The following PARP12 variants were observed in gnomAD, a reference collection of about 807,000 sequenced individuals.
PARP12 encodes poly(ADP-ribose) polymerase family member 12, also known as protein mono-ADP-ribosyltransferase PARP12.
PARP12 carries 59 observed loss-of-function variants against 72.4 expected under a neutral mutation model. The ratio of observed to expected loss-of-function variants is 0.81; its 90% CI spans 0.66 to 1.01. PARP12 has a LOEUF of 1.01. Ranked by LOEUF, PARP12 falls within the 50% of genes least tolerant of loss-of-function variation. PARP12 has a pLI of 0.00. For synonymous variants in PARP12, 403 were observed against 371.4 expected (o/e 1.09, Z -0.98); for missense variants, 851 against 914.0 (o/e 0.93, Z 0.89).
intron 4 of PARP12, among the ~76,000 whole-genome samples, chr7:140,052,964 G>C (rs1436054685): frequency 6.6e-6 from 1 of 152,124 alleles, no homozygotes; most frequent in Admixed American, 6.5e-5. Context: ...GTGTTAGCAA[G>C]AATATACAAT....
chr7:140,037,838 T>C lies in PARP12; in HGVS notation c.1201A>G (p.Thr401Ala), dbSNP rs1816277232. The C allele has an allele frequency of 1.2e-6, 2 of 1,612,282 alleles. No individual in the cohort carries two copies. The highest frequency in any genetic ancestry group is 8.5e-7 in the Non-Finnish European group (1 of 1,178,436). Residue 401 changes from threonine (T) to alanine (A), a missense_variant, in exon 7 of 12, where the codon ACC becomes GCC. Transcript: ENST00000263549. Reference protein sequence around the residue: ...YGRQGTVHPVTTVSSSDVEKA... With the variant: ...YGRQGTVHPVATVSSSDVEKA... ...TCCACGTCGCTACTGCTGACAGTGG[T>C]CACAGGGTGCACCGTGCCCTGCGAT...
At chr7:140,053,524 G>C (rs1190545410) in intron 4 of PARP12, among the ~76,000 whole-genome samples, 1 of 152,108 alleles carries the variant, frequency 6.6e-6, no homozygotes, top group African/African-American at 2.4e-5. Context: ...GGTTACATGA[G>C]CATATATACT....
intron 3 of PARP12, among the ~76,000 whole-genome samples, chr7:140,056,526 G>T (rs551946076): frequency 1.3e-5 from 2 of 152,100 alleles, no homozygotes; most frequent in African/African-American, 4.8e-5. Flanking sequence ...GCATGCTCTC[G>T]TGGGGGTGAA....
At position 140,062,675 on chromosome 7, in the gene PARP12, G is replaced by A. The variant is rs577914738; in HGVS notation, c.173C>T (p.Ala58Val). 2.0e-5 allele frequency: 25 copies of A among 1,269,008 alleles called. 1 individual carries two copies. Among genetic ancestry groups the A allele is most frequent in the Middle Eastern group, 6.2e-4 (2 of 3,228 alleles). The allele number at this position is 1,269,008 out of a possible 1,614,324, so 78.6% of individuals were successfully genotyped here. The change falls in exon 1 of 12, where the codon GCA becomes GTA. Residue 58 changes from alanine to valine, a missense_variant. By Grantham distance (64) the Ala-to-Val change is moderately conservative. This residue lies in a region of PARP12 where 492 missense variants were observed against 489.3 expected (regional missense o/e 1.01). Transcript: ENST00000263549. ...CACCACGCGCTCCGGGGCCGCGGCT[G>A]CGCCGCCCGCCCGCACCGCCACCAC... Reference protein sequence around the residue: ...RFVVAVRAGGAAAAPERVVLA... With the variant: ...RFVVAVRAGGVAAAPERVVLA...
chr7:140,057,072 G>A lies in PARP12; in HGVS notation c.544C>T (p.Gln182Ter), dbSNP rs141291230. 6.2e-7 allele frequency: 1 copy of A among 1,614,086 alleles called. No individual in the cohort carries two copies. Among genetic ancestry groups the A allele is most frequent in the Non-Finnish European group, 8.5e-7 (1 of 1,180,050 alleles). Residue 182 changes from glutamine (Q) to a stop codon, truncating the protein, a stop_gained, in exon 3 of 12, where the codon CAG (glutamine) becomes TAG (stop). Transcript: ENST00000263549. LOFTEE classifies it high-confidence loss of function. The part of the protein sequence containing the change: ...QKQCIKLHIC[Q>*]YFLQGECKFG... The stretch of plus-strand genomic sequence containing the variant: ...TTGCATTCCCCCTGTAAAAAATACT[G>A]GCAGATATGGAGCTTGATGCACTGC...
intron 4 of PARP12, among the ~76,000 whole-genome samples, chr7:140,053,053 CAA>C (rs947360358): frequency 6.6e-6 from 1 of 151,158 alleles, no homozygotes; most frequent in Admixed American, 6.6e-5. Context: ...CAGTTTCTTA[CAA>C]AGTCAATCAC....
At chr7:140,037,592 T>C in intron 7 of PARP12, 123 bp downstream of exon 7, 1 of 1,389,640 alleles carries the variant, frequency 7.2e-7, no homozygotes, top group Non-Finnish European at 9.9e-7. Flanking sequence ...ACCTGGTACC[T>C]TGCTTTTCTT....
rs376999634 is a variant in PARP12, at chr7:140,057,022, G to A, written c.594C>T (p.Ser198=). 8 of 1,614,072 alleles carry A rather than the reference G, an allele frequency of 5.0e-6. No individual in the cohort carries two copies. The African/African-American group carries it at 1.1e-4, about 22-fold the overall frequency. ...GATTCTCAGAATTAGAGAAATCATGGGATCTCTTACAGCTAGTGCCAAACT... is the reference window on the plus strand; with the variant it reads ...GATTCTCAGAATTAGAGAAATCATGAGATCTCTTACAGCTAGTGCCAAACT... The part of the protein sequence containing the change: ...ECKFGTSCKR[S]HDFSNSENLE... Residue 198 remains serine (S), a synonymous_variant, in exon 3 of 12, where the codon TCC becomes TCT. Coordinates refer to ENST00000263549, the MANE Select transcript of PARP12 (RefSeq NM_022750.4).
At chr7:140,043,493 A>T (rs1489787689) in intron 5 of PARP12, among the ~76,000 whole-genome samples, 1 of 152,038 alleles carries the variant, frequency 6.6e-6, no homozygotes, top group Admixed American at 6.6e-5. Context: ...CACTCCCTCC[A>T]AAACTTTTTT....
chr7:140,027,560 G>T, intron 9 of PARP12, 154 bp from the exon 10 acceptor site: 1 of 825,514 alleles, frequency 1.2e-6, no homozygotes, highest in Non-Finnish European at 1.9e-6. Flanking sequence ...AGGCACAGGA[G>T]ACAATCGGTC....
intron 1 of PARP12, among the ~76,000 whole-genome samples, chr7:140,059,559 C>T (rs987197936): frequency 6.6e-6 from 1 of 152,198 alleles, no homozygotes; most frequent in Non-Finnish European, 1.5e-5. Context: ...AGGCCAACAG[C>T]ATTTGTTTGA....
intron 6 of PARP12, among the ~76,000 whole-genome samples, chr7:140,039,345 C>T (rs1165426431): frequency 6.6e-6 from 1 of 152,198 alleles, no homozygotes; most frequent in African/African-American, 2.4e-5. Context: ...CGTCCTGCCC[C>T]GACCCAGGCC....
intron 7 of PARP12, among the ~76,000 whole-genome samples, chr7:140,035,896 G>GGAGGAA (rs1491588976): frequency 1.5e-3 from 104 of 67,436 alleles, no homozygotes; most frequent in African/African-American, 9.2e-3. Flanking sequence ...AGGAAGAGGA[G>GGAGGAA]GAGGACGAGG....
intron 1 of PARP12, among the ~76,000 whole-genome samples, chr7:140,058,296 G>C (rs1452157493): frequency 6.6e-6 from 1 of 152,076 alleles, no homozygotes; most frequent in African/African-American, 2.4e-5. Flanking sequence ...AGGATCACGA[G>C]GTCAGGAGAT....
intron 1 of PARP12, among the ~76,000 whole-genome samples, chr7:140,061,569 C>G (rs1006898727): frequency 6.6e-5 from 10 of 152,206 alleles, no homozygotes; most frequent in Admixed American, 5.9e-4. Flanking sequence ...CTTAAATTGG[C>G]ACCCACACCA....
chr7:140,049,776 A>G (rs1271800557), intron 4 of PARP12, among the ~76,000 whole-genome samples: 1 of 152,238 alleles, frequency 6.6e-6, no homozygotes, highest in Non-Finnish European at 1.5e-5. Context: ...AGGAGGCACC[A>G]GGTAAGCCAC....
intron 5 of PARP12, among the ~76,000 whole-genome samples, chr7:140,042,898 C>T (rs1816547619): frequency 6.6e-6 from 1 of 152,210 alleles, no homozygotes; most frequent in African/African-American, 2.4e-5. Context: ...CAACTCAGGC[C>T]TCAAAAGAAT....
chr7:140,056,899 G>A lies in PARP12; in HGVS notation c.717C>T (p.Ala239=), dbSNP rs762789233. The change falls in exon 3 of 12, where the codon GCC becomes GCT. Residue 239 remains alanine (A), a synonymous_variant. Coordinates refer to ENST00000263549, the MANE Select transcript of PARP12 (RefSeq NM_022750.4). ...NAHDIKNKSS[A]PSRVPPLFVP... The stretch of plus-strand genomic sequence containing the variant: ...CAAAAAGAGGAGGCACTCTGCTGGG[G>A]GCAGAGCTCTTATTCTTGATGTCAT... 6.2e-7 allele frequency: 1 copy of A among 1,612,970 alleles called. No homozygotes were observed. Among genetic ancestry groups the A allele is most frequent in the East Asian group, 2.2e-5 (1 of 44,878 alleles).
chr7:140,027,415 G>T lies in PARP12; in HGVS notation c.1498-9C>A. Reference sequence around the variant, plus strand: ...GAACTAAGGGTGATCTTCTGCAAGGGGCAAATGTTTTTAATGCATTACCAT... The same window carrying T: ...GAACTAAGGGTGATCTTCTGCAAGGTGCAAATGTTTTTAATGCATTACCAT... On this transcript the variant is annotated splice_polypyrimidine_tract_variant and intron_variant, in intron 9 of 11. Coordinates refer to ENST00000263549, the MANE Select transcript of PARP12 (RefSeq NM_022750.4). The T allele has an allele frequency of 1.2e-6, 2 of 1,613,186 alleles. No homozygotes were observed. Among genetic ancestry groups the T allele is most frequent in the South Asian group, 1.1e-5 (1 of 91,024 alleles).
Sources: allele counts gnomAD v4.1 joint callset (sites outside exome capture counted in the v4.1 genomes callset), GRCh38; gene constraint gnomAD v4.1.1; regional missense constraint gnomAD v4.1.1; transcripts MANE v1.5; gene names NCBI Gene and HGNC (gene_info 2026-07-23, HGNC 2026-07-21).